The following CATSPERT variants were observed in gnomAD, a reference collection of about 807,000 sequenced individuals.
CATSPERT encodes cation channel sperm-associated targeting subunit tau.
chr2:201,494,807 A>G, the CATSPERT span: 21 of 1,439,530 alleles, frequency 1.5e-5, no homozygotes, highest in Admixed American at 2.1e-4. Context: ...ATGATTTTGA[A>G]TTTATCATAT....
chr2:201,545,498 G>T, the CATSPERT span: 3 of 1,235,626 alleles, frequency 2.4e-6, no homozygotes, highest in South Asian at 2.9e-5. Flanking sequence ...TAATCACTTT[G>T]ATTTCAATTA....
At chr2:201,609,630 T>G in the CATSPERT span, among the ~76,000 whole-genome samples, 1 of 152,174 alleles carries the variant, frequency 6.6e-6, no homozygotes, top group African/African-American at 2.4e-5. Context: ...ATTAAAAAAT[T>G]TCTTGAAACT....
chr2:201,580,327 T>C, the CATSPERT span, among the ~76,000 whole-genome samples: 1 of 152,230 alleles, frequency 6.6e-6, no homozygotes, highest in African/African-American at 2.4e-5. Context: ...GCGCTGTTAC[T>C]ACGGCACCAT....
the CATSPERT span, among the ~76,000 whole-genome samples, chr2:201,594,742 C>T: frequency 6.6e-6 from 1 of 152,102 alleles, no homozygotes; most frequent in African/African-American, 2.4e-5. Context: ...TCTTCCATTG[C>T]TGATACCTTT....
At chr2:201,556,431 C>T in the CATSPERT span, among the ~76,000 whole-genome samples, 7 of 151,824 alleles carry the variant, frequency 4.6e-5, no homozygotes, top group African/African-American at 1.5e-4. Flanking sequence ...ATGGCGTGAA[C>T]CCGGGAGGCG....
the CATSPERT span, among the ~76,000 whole-genome samples, chr2:201,608,740 C>T: frequency 6.6e-6 from 1 of 151,306 alleles, no homozygotes; most frequent in Admixed American, 6.6e-5. Flanking sequence ...TCACCTGAGC[C>T]CAGGAGGTTG....
chr2:201,559,989 A>G, the CATSPERT span, among the ~76,000 whole-genome samples: 1 of 152,234 alleles, frequency 6.6e-6, no homozygotes. Flanking sequence ...TCTTAAGGAA[A>G]CTCAGCGAGA....
At chr2:201,502,125 A>G in the CATSPERT span, among the ~76,000 whole-genome samples, 48 of 152,204 alleles carry the variant, frequency 3.2e-4, no homozygotes, top group Non-Finnish European at 6.5e-4. Context: ...GCTCAAGACC[A>G]ACAGTGCTGC....
the CATSPERT span, among the ~76,000 whole-genome samples, chr2:201,542,770 T>C: frequency 6.6e-6 from 1 of 152,280 alleles, no homozygotes; most frequent in East Asian, 1.9e-4. Context: ...TTAACAAATA[T>C]ATGGTTTACA....
At chr2:201,506,293 A>AAAC in the CATSPERT span, among the ~76,000 whole-genome samples, 1 of 151,776 alleles carries the variant, frequency 6.6e-6, no homozygotes, top group Non-Finnish European at 1.5e-5. Context: ...ACAAACAAAC[A>AAAC]AAACACCAAG....
the CATSPERT span, chr2:201,545,652 A>AT: frequency 1.2e-6 from 1 of 806,576 alleles, no homozygotes; most frequent in Non-Finnish European, 1.8e-6. Flanking sequence ...AAAAAAAAAA[A>AT]AGAAAAAAAA....
At chr2:201,581,506 AT>A in the CATSPERT span, among the ~76,000 whole-genome samples, 1 of 102,138 alleles carries the variant, frequency 9.8e-6, no homozygotes. Flanking sequence ...ATATATATAT[AT>A]ATATATATAT....
At chr2:201,602,824 C>A in the CATSPERT span, among the ~76,000 whole-genome samples, 1 of 151,890 alleles carries the variant, frequency 6.6e-6, no homozygotes, top group Non-Finnish European at 1.5e-5. Context: ...TAAGGGGACA[C>A]CAACAACTAG....
chr2:201,599,231 G>C, the CATSPERT span, among the ~76,000 whole-genome samples: 1 of 152,106 alleles, frequency 6.6e-6, no homozygotes, highest in African/African-American at 2.4e-5. Context: ...AATCCTGGGT[G>C]CAATTTTAGA....
chr2:201,537,159 A>G, the CATSPERT span, among the ~76,000 whole-genome samples: 40 of 152,046 alleles, frequency 2.6e-4, no homozygotes, highest in East Asian at 5.8e-3. Context: ...ATTTATTTCT[A>G]AGATCTTACG....
At chr2:201,565,884 TA>T in the CATSPERT span, 1 of 1,568,776 alleles carries the variant, frequency 6.4e-7, no homozygotes, top group South Asian at 1.2e-5. Flanking sequence ...TGCAAAATAA[TA>T]ATAAAGTGAA....
chr2:201,494,302 C>T, the CATSPERT span: 1 of 1,537,072 alleles, frequency 6.5e-7, no homozygotes, highest in Non-Finnish European at 8.7e-7. Flanking sequence ...CAGATTTTCA[C>T]TTAAAATTGA....
chr2:201,511,124 C>G, the CATSPERT span, among the ~76,000 whole-genome samples: 2 of 152,148 alleles, frequency 1.3e-5, no homozygotes, highest in Non-Finnish European at 2.9e-5. Flanking sequence ...TTTTGTGCAT[C>G]AAATTCTTAA....
chr2:201,576,963 A>G, the CATSPERT span, among the ~76,000 whole-genome samples: 6 of 152,294 alleles, frequency 3.9e-5, no homozygotes, highest in East Asian at 1.2e-3. Flanking sequence ...CTCAATATCT[A>G]TAGTCATCTC....
Sources: allele counts gnomAD v4.1 joint callset (sites outside exome capture counted in the v4.1 genomes callset), GRCh38; gene constraint gnomAD v4.1.1; transcripts MANE v1.5; gene names NCBI Gene and HGNC (gene_info 2026-07-23, HGNC 2026-07-21).